HPSE2: variants seen among roughly 807,000 people sequenced by gnomAD.
The protein encoded by HPSE2 is heparanase 2 (inactive).
In HPSE2, 38 loss-of-function variants were observed where a neutral mutation model predicts 60.5. The observed-to-expected ratio is 0.63, with a 90% CI of 0.48 to 0.82. HPSE2 has a LOEUF of 0.82. Among genes scored for constraint, HPSE2 ranks in the 40% least tolerant of loss-of-function variants. The pLI is 0.00. For missense variants in HPSE2, 713 were observed against 740.4 expected (o/e 0.96, Z 0.43); for synonymous variants, 295 against 293.2 (o/e 1.01, Z -0.06).
At chr10:98,710,657 TTGG>T (rs779055879) in intron 5 of HPSE2, among the ~76,000 whole-genome samples, 7 of 152,168 alleles carry the variant, frequency 4.6e-5, no homozygotes, top group Non-Finnish European at 1.0e-4. Flanking sequence ...CTCTGTAAGG[TTGG>T]TATTATTAAT....
In HPSE2 at chr10:98,491,706, A is replaced by C. The variant is rs1284121698; in HGVS notation, c.1321-1510T>G. ...TATTTTACAGATATGAGAATGTTTC[A>C]AGGGGTATCTCAGGTCACAAAACTA... On this transcript the variant is annotated intron_variant, in intron 9 of 11. Transcript: ENST00000370552. 2.6e-5 allele frequency among the ~76,000 whole-genome samples: 4 copies of C among 152,220 alleles called. No homozygotes were observed. In the East Asian group the frequency reaches 7.7e-4, roughly 29 times the overall value.
intron 9 of HPSE2, among the ~76,000 whole-genome samples, chr10:98,530,435 C>T (rs775707881): frequency 6.6e-6 from 1 of 152,192 alleles, no homozygotes; most frequent in Non-Finnish European, 1.5e-5. Flanking sequence ...AACAGGTTCC[C>T]AGTGATGCTG....
chr10:98,603,795 G>T (rs934129419), intron 9 of HPSE2, among the ~76,000 whole-genome samples: 1 of 152,002 alleles, frequency 6.6e-6, no homozygotes, highest in Non-Finnish European at 1.5e-5. Context: ...CCCTGTTGGG[G>T]TATTATCAGA....
chr10:98,949,949 A>T (rs1955305841), intron 3 of HPSE2, among the ~76,000 whole-genome samples: 1 of 152,198 alleles, frequency 6.6e-6, no homozygotes, highest in Non-Finnish European at 1.5e-5. Context: ...TGTCAAGTTG[A>T]AACTTTAAAA....
the HPSE2 span, among the ~76,000 whole-genome samples, chr10:99,283,537 TA>T: frequency 6.6e-5 from 10 of 151,648 alleles, no homozygotes; most frequent in African/African-American, 2.4e-4. Flanking sequence ...AAAATTTTTT[TA>T]AAGGGAAAAT....
intron 11 of HPSE2, among the ~76,000 whole-genome samples, chr10:98,462,303 C>T (rs770057565): frequency 2.6e-5 from 4 of 152,126 alleles, no homozygotes; most frequent in Non-Finnish European, 2.9e-5. Context: ...CTCATCCTCC[C>T]GAGTAGCTGG....
rs1954790543 is a variant in HPSE2 at position 98,936,373 on chromosome 10, G to C, written c.611-192317C>G. On this transcript the variant is annotated intron_variant, in intron 3 of 11. Transcript: ENST00000370552. ...GAGTATGTAAAAACTGCAGTTCAGT[G>C]CCTGCCTGAACAGCTGCCCAGTTTT... Among the ~76,000 whole-genome samples the C allele has an allele frequency of 1.4e-5, 2 of 143,784 alleles. 1 individual carries two copies. Among genetic ancestry groups the C allele is most frequent in the South Asian group, 4.2e-4 (2 of 4,726 alleles). 94.3% of individuals were successfully genotyped at this position (143,784 alleles called of 152,430 possible).
At chr10:98,532,262 G>C (rs559123006) in intron 9 of HPSE2, among the ~76,000 whole-genome samples, 1 of 152,130 alleles carries the variant, frequency 6.6e-6, no homozygotes, top group Non-Finnish European at 1.5e-5. Flanking sequence ...TGTTATGTAC[G>C]AAGCTTCAGA....
At chr10:98,516,324 A>G (rs1027816866) in intron 9 of HPSE2, among the ~76,000 whole-genome samples, 11 of 152,224 alleles carry the variant, frequency 7.2e-5, no homozygotes, top group African/African-American at 2.7e-4. Context: ...CACAGGGTCT[A>G]AGTATGTATT....
chr10:98,905,523 T>C (rs1953790365), intron 3 of HPSE2, among the ~76,000 whole-genome samples: 1 of 152,040 alleles, frequency 6.6e-6, no homozygotes, highest in Non-Finnish European at 1.5e-5. Context: ...CCTAGAAAAA[T>C]ACTTACATGT....
chr10:99,133,207 G>C lies in HPSE2; in HGVS notation c.610+11031C>G, dbSNP rs1281072713. Reference sequence around the variant, plus strand: ...TGCCAGATTTCCCTTCTCTGGGCAGGGCATGTCTGAAAAAAAGGCAGCAGC... The same window carrying C: ...TGCCAGATTTCCCTTCTCTGGGCAGCGCATGTCTGAAAAAAAGGCAGCAGC... On this transcript the variant is annotated intron_variant, in intron 3 of 11. Coordinates refer to ENST00000370552, the MANE Select transcript of HPSE2 (RefSeq NM_021828.5). 7.9e-5 allele frequency among the ~76,000 whole-genome samples: 12 copies of C among 152,310 alleles called. No individual in the cohort carries two copies. The East Asian group carries it at 2.3e-3, about 29-fold the overall frequency.
At chr10:98,707,683 A>G (rs1238043068) in intron 5 of HPSE2, among the ~76,000 whole-genome samples, 1 of 152,204 alleles carries the variant, frequency 6.6e-6, no homozygotes, top group Non-Finnish European at 1.5e-5. Context: ...AATAGTATAT[A>G]GTTTACAGAA....
intron 11 of HPSE2, among the ~76,000 whole-genome samples, chr10:98,463,210 G>A (rs370575623): frequency 8.5e-5 from 13 of 152,056 alleles, no homozygotes; most frequent in African/African-American, 2.7e-4. Flanking sequence ...TCACTGCACC[G>A]CTTCAAACTT....
chr10:98,895,838 A>T (rs577552177), intron 3 of HPSE2, among the ~76,000 whole-genome samples: 15 of 149,814 alleles, frequency 1.0e-4, no homozygotes, highest in Non-Finnish European at 1.9e-4. Flanking sequence ...CACAAGGACA[A>T]AAAACCAAAC....
rs548352589 is a variant in HPSE2, at chr10:99,100,678, G to A, written c.610+43560C>T. 2.6e-3 allele frequency among the ~76,000 whole-genome samples: 403 copies of A among 152,198 alleles called. 3 individuals carry two copies. The highest frequency in any genetic ancestry group is 9.2e-3 in the African/African-American group (381 of 41,528). Reference sequence around the variant, plus strand: ...TACTCCTCAAAAACAGCAACTCCAAGACACATAATTGTCAGATTCACCAAA... The same window carrying A: ...TACTCCTCAAAAACAGCAACTCCAAAACACATAATTGTCAGATTCACCAAA... On this transcript the variant is annotated intron_variant, in intron 3 of 11. Coordinates refer to ENST00000370552, the MANE Select transcript of HPSE2 (RefSeq NM_021828.5).
intron 3 of HPSE2, among the ~76,000 whole-genome samples, chr10:98,795,316 C>T (rs1472236896): frequency 1.3e-5 from 2 of 152,156 alleles, no homozygotes; most frequent in East Asian, 3.9e-4. Flanking sequence ...ACCAACCCTC[C>T]CACATCCCCT....
intron 11 of HPSE2, among the ~76,000 whole-genome samples, chr10:98,470,155 CAT>C (rs1564900817): frequency 6.6e-6 from 1 of 151,098 alleles, no homozygotes; most frequent in Non-Finnish European, 1.5e-5. Flanking sequence ...ACGTTTTAAA[CAT>C]AACATGTTTA....
intron 3 of HPSE2, among the ~76,000 whole-genome samples, chr10:99,034,857 T>C (rs1381474730): frequency 1.3e-5 from 2 of 152,208 alleles, no homozygotes. Context: ...ATTGTGAGTA[T>C]ATATAAGCAT....
At chr10:99,209,725 T>C (rs1037817080) in intron 2 of HPSE2, among the ~76,000 whole-genome samples, 1 of 152,222 alleles carries the variant, frequency 6.6e-6, no homozygotes, top group Non-Finnish European at 1.5e-5. Flanking sequence ...AGTCTCGCTC[T>C]GTCACCCAGG....
Sources: allele counts gnomAD v4.1 joint callset (sites outside exome capture counted in the v4.1 genomes callset), GRCh38; gene constraint gnomAD v4.1.1; transcripts MANE v1.5; gene names NCBI Gene and HGNC (gene_info 2026-07-23, HGNC 2026-07-21).